The following LOX variants were observed in gnomAD, a reference collection of about 807,000 sequenced individuals.
The protein encoded by LOX is protein-lysine 6-oxidase.
Under a neutral mutation model 50.5 loss-of-function variants are expected in LOX, and 12 were observed. The ratio of observed to expected loss-of-function variants is 0.24; its 90% CI spans 0.15 to 0.38. The LOEUF is 0.38. Among genes scored for constraint, LOX ranks in the 10% least tolerant of loss-of-function variants. The pLI is 1.00. For missense variants in LOX, 504 were observed against 563.8 expected (o/e 0.89, Z 1.07); for synonymous variants, 254 against 230.6 (o/e 1.10, Z -0.92).
At position 122,077,105 on chromosome 5, in the gene LOX, G is replaced by A. The variant is rs1754660974; in HGVS notation, c.632-104C>T. 2 of 1,517,370 alleles carry A rather than the reference G, an allele frequency of 1.3e-6. No individual in the cohort carries two copies. Among genetic ancestry groups the A allele is most frequent in the South Asian group, 1.2e-5 (1 of 80,946 alleles). The allele number at this position is 1,517,370 out of a possible 1,614,324, so 94.0% of individuals were successfully genotyped here. On this transcript the variant is annotated intron_variant, in intron 1 of 6. Coordinates refer to ENST00000231004, the MANE Select transcript of LOX (RefSeq NM_002317.7). This position sits in a 1 kb window ranked among gnomAD's most constrained non-coding sequence, Gnocchi z 4.9. Reference sequence around the variant, plus strand: ...CTTACTCCTCACCCTTCGCCCACCGGGACTGCAGAGTGGAGCGGAGGACAG... The same window carrying A: ...CTTACTCCTCACCCTTCGCCCACCGAGACTGCAGAGTGGAGCGGAGGACAG...
rs762401379 is a variant in LOX, at chr5:122,075,394, A to G, written c.878+10T>C. On this transcript the variant is annotated intron_variant, in intron 3 of 6. Coordinates refer to ENST00000231004, the MANE Select transcript of LOX (RefSeq NM_002317.7). ...CAACCCAAAAGTACCCAGGAGGCCCATTTACTTACTGATGACAACTGTGCC... is the reference window on the plus strand; with the variant it reads ...CAACCCAAAAGTACCCAGGAGGCCCGTTTACTTACTGATGACAACTGTGCC... 8.8e-6 allele frequency: 14 copies of G among 1,598,176 alleles called. No homozygotes were observed. Among genetic ancestry groups the G allele is most frequent in the Non-Finnish European group, 3.4e-6 (4 of 1,174,854 alleles).
intron 4 of LOX, among the ~76,000 whole-genome samples, chr5:122,071,193 A>ATGTGTGTG (rs35544795): frequency 2.2e-4 from 33 of 149,932 alleles, no homozygotes; most frequent in African/African-American, 6.9e-4. Context: ...AAACATTTAT[A>ATGTGTGTG]TGTGTGTGTG....
intron 6 of LOX, among the ~76,000 whole-genome samples, chr5:122,068,614 A>C (rs1754366777): frequency 6.6e-6 from 1 of 152,210 alleles, no homozygotes; most frequent in African/African-American, 2.4e-5. Context: ...ATGGGTATAC[A>C]ACAGTGGACA....
At chr5:122,070,383 T>C in intron 5 of LOX, 111 bp downstream of exon 5, 1 of 675,440 alleles carries the variant, frequency 1.5e-6, no homozygotes, top group Non-Finnish European at 2.6e-6. Context: ...TATAAATAGT[T>C]TGAGGATGTA....
At chr5:122,071,193 ATGTGTGTGTGTGTGTGTG>A (rs35544795) in intron 4 of LOX, among the ~76,000 whole-genome samples, 1 of 149,932 alleles carries the variant, frequency 6.7e-6, no homozygotes, top group African/African-American at 2.4e-5. Context: ...AAACATTTAT[ATGTGTGTGTGTGTGTGTG>A]TGTGTGTGTA....
intron 2 of LOX, 58 bp from the exon 3 acceptor site, chr5:122,075,599 A>C: frequency 1.7e-6 from 2 of 1,186,364 alleles, no homozygotes; most frequent in East Asian, 2.4e-5. Context: ...TAAAGACAAA[A>C]CTACAAATAA....
chr5:122,077,963 A>C lies in LOX; in HGVS notation c.23T>G (p.Leu8Arg), dbSNP rs1754693346. 2.0e-6 allele frequency: 3 copies of C among 1,472,708 alleles called. No homozygotes were observed. Among genetic ancestry groups the C allele is most frequent in the African/African-American group, 1.5e-5 (1 of 67,294 alleles). The allele number at this position is 1,472,708 out of a possible 1,614,324, so 91.2% of individuals were successfully genotyped here. The change falls in exon 1 of 7, where the codon CTC becomes CGC. Residue 8 changes from leucine to arginine, a missense_variant. Coordinates refer to ENST00000231004, the MANE Select transcript of LOX (RefSeq NM_002317.7). This position sits in a 1 kb window ranked among gnomAD's most constrained non-coding sequence, Gnocchi z 4.9. MRFAWTVLLLGPLQLCAL... is the reference protein window; with the variant it reads MRFAWTVRLLGPLQLCAL... The stretch of plus-strand genomic sequence containing the variant: ...GCAGAGCTGCAAAGGCCCGAGCAGG[A>C]GCACGGTCCAGGCGAAGCGCATCAC...
rs1334745271 is a variant in LOX, at chr5:122,065,320, C to T, written c.*1423G>A. 1 of 152,090 alleles carries T rather than the reference C, an allele frequency of 6.6e-6. No individual in the cohort carries two copies. Among genetic ancestry groups the T allele is most frequent in the East Asian group, 1.9e-4 (1 of 5,196 alleles). The allele number at this position is 152,090 out of a possible 1,614,324, so 9.4% of individuals were successfully genotyped here. A position where few individuals can be genotyped will look rare whatever the true frequency, so the allele number is the denominator to read the frequency against. ...GAGGCACTTTTAAAATTCCACCTAA[C>T]ATGTTCTGGCACTGGAAAATCTTAC... On this transcript the variant is annotated 3_prime_UTR_variant, in exon 7 of 7. Transcript: ENST00000231004.
chr5:122,074,867 A>G (rs772428310), intron 3 of LOX, among the ~76,000 whole-genome samples: 2 of 152,244 alleles, frequency 1.3e-5, no homozygotes, highest in Non-Finnish European at 2.9e-5. Flanking sequence ...ATAAACACCC[A>G]GGCAAGTTAC....
At chr5:122,075,047 T>TA (rs1180142408) in intron 3 of LOX, among the ~76,000 whole-genome samples, 1 of 152,236 alleles carries the variant, frequency 6.6e-6, no homozygotes, top group Non-Finnish European at 1.5e-5. Flanking sequence ...ATGCTTGTGA[T>TA]AAAAAACGTG....
rs1199765052 is a variant in LOX at position 122,078,021 on chromosome 5, AC to A, written c.-37del. ...GCCAGATTGACCCCGCTCGAGGAGG[AC>A]GTGGCTCACAGAAAATAAAAACGGG... is the stretch of plus-strand genomic sequence containing the variant. On this transcript the variant is annotated 5_prime_UTR_variant, in exon 1 of 7. Coordinates refer to ENST00000231004, the MANE Select transcript of LOX (RefSeq NM_002317.7). The A allele has an allele frequency of 2.1e-6, 3 of 1,434,478 alleles. No homozygotes were observed. The highest frequency in any genetic ancestry group is 2.7e-6 in the Non-Finnish European group (3 of 1,095,888). 88.9% of individuals were successfully genotyped at this position (1,434,478 alleles called of 1,614,324 possible).
chr5:122,075,242 G>T, intron 3 of LOX, 162 bp downstream of exon 3: 1 of 584,806 alleles, frequency 1.7e-6, no homozygotes, highest in South Asian at 3.1e-5. Flanking sequence ...ACAGGATCTT[G>T]TAGTAGATGG....
intron 3 of LOX, among the ~76,000 whole-genome samples, 162 bp from the exon 4 acceptor site, chr5:122,074,331 C>T (rs1453512638): frequency 2.0e-5 from 3 of 151,526 alleles, no homozygotes; most frequent in African/African-American, 7.3e-5. Flanking sequence ...TTTTTTTTTC[C>T]CCAGGACATA....
intron 5 of LOX, 66 bp from the exon 6 acceptor site, chr5:122,070,234 T>C: frequency 1.1e-6 from 1 of 921,400 alleles, no homozygotes; most frequent in Non-Finnish European, 1.8e-6. Flanking sequence ...AAATTGTTAA[T>C]GAGGACTTAG....
intron 3 of LOX, 198 bp downstream of exon 3, chr5:122,075,206 C>A: frequency 2.0e-6 from 1 of 493,576 alleles, no homozygotes; most frequent in Non-Finnish European, 3.5e-6. Context: ...ATAAGCTGGG[C>A]TTCAGATTTT....
At position 122,076,910 on chromosome 5, in the gene LOX, C is replaced by T. The variant is rs1754654341; in HGVS notation, c.723G>A (p.Glu241=). ...GCCCGTACCTGGCCAGACAGTTTTC[C>T]TCCGCCGCGCATCTCAGGTTGTACA... ...MSMYNLRCAA[E]ENCLASTAYR... is the part of the protein sequence containing the mutation. The change falls in exon 2 of 7, where the codon GAG becomes GAA. Residue 241 remains glutamate (E), a synonymous_variant. Coordinates refer to ENST00000231004, the MANE Select transcript of LOX (RefSeq NM_002317.7). 1 of 1,614,090 alleles carries T rather than the reference C, an allele frequency of 6.2e-7. No individual in the cohort carries two copies. The highest frequency in any genetic ancestry group is 2.2e-5 in the East Asian group (1 of 44,874).
rs765247394 is a variant in LOX, at chr5:122,077,875, C to A, written c.111G>T (p.Ala37=). ...TCTGCTGGCGCCAGGCGCCCGGAGC[C>A]GCCGGCGGCTCGCGCGGGGGCTGCT... ...GQQQPPREPP[A]APGAWRQQIQ... The change falls in exon 1 of 7, where the codon GCG becomes GCT. Residue 37 remains alanine (A), a synonymous_variant. Coordinates refer to ENST00000231004, the MANE Select transcript of LOX (RefSeq NM_002317.7). This position sits in a 1 kb window ranked among gnomAD's most constrained non-coding sequence, Gnocchi z 4.9. 11 of 1,536,206 alleles carry A rather than the reference C, an allele frequency of 7.2e-6. No individual in the cohort carries two copies. In the African/African-American group the frequency reaches 1.6e-4, roughly 22 times the overall value.
intron 6 of LOX, 92 bp downstream of exon 6, chr5:122,069,961 G>T (rs778525971): frequency 2.2e-6 from 2 of 905,520 alleles, no homozygotes; most frequent in Admixed American, 3.4e-5. Context: ...AGCTGCTGTA[G>T]TAGCAGAAAC....
At chr5:122,068,783 G>C (rs961725521) in intron 6 of LOX, among the ~76,000 whole-genome samples, 24 of 151,978 alleles carry the variant, frequency 1.6e-4, no homozygotes, top group Admixed American at 1.4e-3. Flanking sequence ...CTAGCTCAGG[G>C]CATCAACAAA....
Sources: gnomAD v4.1 joint callset for allele counts (sites outside exome capture counted in the v4.1 genomes callset) on GRCh38, gnomAD v4.1.1 for gene constraint, Gnocchi (gnomAD v3.1) non-coding constraint, MANE v1.5 for transcripts, NCBI Gene and HGNC (gene_info 2026-07-23, HGNC 2026-07-21) for gene names.